PPP3CA: variants seen among roughly 807,000 people sequenced by gnomAD.
The protein encoded by PPP3CA is protein phosphatase 3 catalytic subunit alpha, also known as CAM-PRP catalytic subunit.
In PPP3CA, 14 loss-of-function variants were observed where a neutral mutation model predicts 66.5. The ratio of observed to expected loss-of-function variants is 0.21; its 90% CI spans 0.14 to 0.33. PPP3CA has a LOEUF of 0.33. PPP3CA is among the 10% of genes least tolerant of loss of function. The pLI, the probability that PPP3CA is intolerant of heterozygous loss-of-function variation, is 1.00. For synonymous variants in PPP3CA, 232 were observed against 226.2 expected, an observed-to-expected ratio of 1.03 and a Z score of -0.23; for missense variants, 317 against 639.5, an observed-to-expected ratio of 0.50 and a Z score of 5.44.
At chr4:101,322,323 G>C (rs867342712) in intron 1 of PPP3CA, among the ~76,000 whole-genome samples, 1 of 151,766 alleles carries the variant, frequency 6.6e-6, no homozygotes, top group African/African-American at 2.4e-5. Context: ...CATGAGGCCA[G>C]ACACTCATGA....
intron 2 of PPP3CA, among the ~76,000 whole-genome samples, chr4:101,124,725 G>GAAAGAGAA (rs1412415941): frequency 1.2e-4 from 7 of 58,780 alleles, no homozygotes; most frequent in Non-Finnish European, 2.3e-4. Context: ...AAGAAAGAAA[G>GAAAGAGAA]AGAAAGAAAG....
intron 1 of PPP3CA, among the ~76,000 whole-genome samples, chr4:101,291,608 A>G (rs1728029471): frequency 6.6e-6 from 1 of 152,240 alleles, no homozygotes; most frequent in African/African-American, 2.4e-5. Flanking sequence ...ACTGACAAAC[A>G]CTGAGAATAA....
chr4:101,345,107 T>C (rs760608371), intron 1 of PPP3CA, among the ~76,000 whole-genome samples: 3 of 152,214 alleles, frequency 2.0e-5, no homozygotes, highest in African/African-American at 4.8e-5. Context: ...TGCAGCCCTA[T>C]TTCGAATCAT....
chr4:101,151,810 C>T (rs1038087771), intron 2 of PPP3CA, among the ~76,000 whole-genome samples: 12 of 151,502 alleles, frequency 7.9e-5, no homozygotes, highest in Non-Finnish European at 1.8e-4. Flanking sequence ...GAGCATGCCA[C>T]CACACCCTGC....
At chr4:101,117,476 T>G (rs1286577951) in intron 2 of PPP3CA, among the ~76,000 whole-genome samples, 1 of 151,756 alleles carries the variant, frequency 6.6e-6, no homozygotes, top group Non-Finnish European at 1.5e-5. Flanking sequence ...ATTGATTGAA[T>G]ACTTTAAAAG....
chr4:101,046,347 G>T (rs891965935), intron 10 of PPP3CA, among the ~76,000 whole-genome samples: 4 of 152,022 alleles, frequency 2.6e-5, no homozygotes, highest in Non-Finnish European at 4.4e-5. Flanking sequence ...AATTGTTATT[G>T]TTATTGAGTT....
At chr4:101,314,248 A>G (rs888935847) in intron 1 of PPP3CA, among the ~76,000 whole-genome samples, 2 of 152,308 alleles carry the variant, frequency 1.3e-5, no homozygotes, top group South Asian at 4.1e-4. Context: ...TTAAGGAGTA[A>G]GTTCGGCAGA....
At chr4:101,295,028 G>A (rs1185453473) in intron 1 of PPP3CA, among the ~76,000 whole-genome samples, 9 of 152,168 alleles carry the variant, frequency 5.9e-5, no homozygotes, top group South Asian at 4.1e-4. Context: ...CGGGCCGGGC[G>A]CGGTGGCTCA....
At chr4:101,092,403 G>A (rs1729992203) in intron 6 of PPP3CA, among the ~76,000 whole-genome samples, 1 of 151,134 alleles carries the variant, frequency 6.6e-6, no homozygotes, top group African/African-American at 2.4e-5. Flanking sequence ...TTAAAACAAG[G>A]CTGGTGTTGG....
intron 11 of PPP3CA, among the ~76,000 whole-genome samples, chr4:101,035,906 T>A (rs1727222823): frequency 6.6e-6 from 1 of 152,194 alleles, no homozygotes; most frequent in Admixed American, 6.5e-5. Context: ...TTTCTCCTGC[T>A]TCTCCTTCTC....
At chr4:101,346,175 G>A (rs927948649) in intron 1 of PPP3CA, among the ~76,000 whole-genome samples, 73 of 151,910 alleles carry the variant, frequency 4.8e-4, no homozygotes, top group East Asian at 9.9e-4. Flanking sequence ...GTCCTGTGCA[G>A]GCCCTTCCAG....
At chr4:101,174,776 T>C (rs781391920) in intron 2 of PPP3CA, among the ~76,000 whole-genome samples, 22 of 152,064 alleles carry the variant, frequency 1.4e-4, no homozygotes, top group Non-Finnish European at 2.5e-4. Flanking sequence ...TGCGGTAAGA[T>C]TGTAAAGCCT....
At chr4:101,219,421 C>T (rs1725556363) in intron 1 of PPP3CA, among the ~76,000 whole-genome samples, 2 of 151,864 alleles carry the variant, frequency 1.3e-5, no homozygotes, top group Non-Finnish European at 2.9e-5. Context: ...ATATTAAAAA[C>T]TAGCATGGAG....
At chr4:101,200,829 A>C (rs891491744) in intron 1 of PPP3CA, among the ~76,000 whole-genome samples, 2 of 152,154 alleles carry the variant, frequency 1.3e-5, no homozygotes, top group Non-Finnish European at 2.9e-5. Context: ...GAATCATCCA[A>C]CGTCAAAGGA....
chr4:101,124,781 A>AAG (rs1722188753), intron 2 of PPP3CA, among the ~76,000 whole-genome samples: 1 of 129,538 alleles, frequency 7.7e-6, no homozygotes, highest in African/African-American at 3.3e-5. Context: ...GAAAGAAAGA[A>AAG]AGAAAGAAAG....
intron 11 of PPP3CA, among the ~76,000 whole-genome samples, chr4:101,034,452 T>C (rs1464111527): frequency 2.0e-5 from 3 of 152,098 alleles, no homozygotes; most frequent in Non-Finnish European, 1.5e-5. Flanking sequence ...GTTTACTTGC[T>C]TATTTCTGGT....
chr4:101,096,799 A>C (rs1730215361), intron 5 of PPP3CA, among the ~76,000 whole-genome samples: 1 of 152,190 alleles, frequency 6.6e-6, no homozygotes, highest in African/African-American at 2.4e-5. Context: ...TGAATAGATA[A>C]AATATTTGCT....
intron 10 of PPP3CA, among the ~76,000 whole-genome samples, chr4:101,057,082 T>C (rs889417250): frequency 1.3e-5 from 2 of 151,924 alleles, no homozygotes; most frequent in African/African-American, 4.8e-5. Flanking sequence ...TTTGAATCAG[T>C]CTCACTGTGT....
At chr4:101,343,424 A>C (rs1175540323) in intron 1 of PPP3CA, among the ~76,000 whole-genome samples, 1 of 152,178 alleles carries the variant, frequency 6.6e-6, no homozygotes, top group Non-Finnish European at 1.5e-5. Flanking sequence ...AGTATCACTA[A>C]GAGAAAAATC....
Sources: gnomAD v4.1 joint callset for allele counts (sites outside exome capture counted in the v4.1 genomes callset) on GRCh38, gnomAD v4.1.1 for gene constraint, MANE v1.5 for transcripts, NCBI Gene and HGNC (gene_info 2026-07-23, HGNC 2026-07-21) for gene names.